The following GLRA2 variants were observed in gnomAD, a reference collection of about 807,000 sequenced individuals.
GLRA2 encodes glycine receptor alpha 2.
A neutral mutation model predicts 31.6 loss-of-function variants in GLRA2; 11 were observed. The observed-to-expected ratio is 0.35, with a 90% confidence interval of 0.22 to 0.58. GLRA2 has a LOEUF of 0.58. Among genes scored for constraint, GLRA2 ranks in the 20% least tolerant of loss-of-function variants. The pLI is 0.84. For missense variants in GLRA2, 212 were observed against 351.8 expected, an observed-to-expected ratio of 0.60 and a Z score of 3.18; for synonymous variants, 132 against 134.0, an observed-to-expected ratio of 0.99 and a Z score of 0.10.
chrX:14,551,231 A>G (rs1427077924), intron 2 of GLRA2, among the ~76,000 whole-genome samples: 1 of 111,645 alleles, frequency 9.0e-6, no homozygotes, highest in East Asian at 2.8e-4. Context: ...AAAACCTTAA[A>G]GATTTGTGTT....
chrX:14,619,100 G>A (rs1458443654), intron 7 of GLRA2, among the ~76,000 whole-genome samples: 1 of 111,070 alleles, frequency 9.0e-6, no homozygotes, highest in Non-Finnish European at 1.9e-5. Flanking sequence ...GGAATAACTA[G>A]CAGGATTATG....
chrX:14,719,611 T>A (rs1447876279), intron 8 of GLRA2, among the ~76,000 whole-genome samples: 1 of 111,791 alleles, frequency 8.9e-6, no homozygotes, highest in Non-Finnish European at 1.9e-5. Flanking sequence ...GGTGGGAATG[T>A]ACATTAATAC....
chrX:14,567,191 A>G (rs1031613834), intron 2 of GLRA2, among the ~76,000 whole-genome samples: 10 of 111,717 alleles, frequency 9.0e-5, no homozygotes, highest in African/African-American at 3.3e-4. Context: ...GTATTTAAAA[A>G]TCCTTGACAA....
At chrX:14,579,313 CAAGAAT>C (rs2089990429) in intron 3 of GLRA2, among the ~76,000 whole-genome samples, 1 of 108,502 alleles carries the variant, frequency 9.2e-6, no homozygotes, top group Admixed American at 9.9e-5. Context: ...AAGGAAGAAT[CAAGAAT>C]CTATTACAAG....
intron 8 of GLRA2, among the ~76,000 whole-genome samples, chrX:14,707,757 G>GGT (rs374444365): frequency 0.45 from 48,033 of 105,981 alleles, 8,825 homozygotes; most frequent in Non-Finnish European, 0.56. Context: ...CAGCAAAAAA[G>GGT]GTGTGTGTGT....
At position 14,730,787 on chromosome X, in the gene GLRA2, C is replaced by A. The variant is rs1488835919; in HGVS notation, c.*302C>A. The A allele has an allele frequency of 2.5e-5, 6 of 238,581 alleles. No homozygotes were observed. The highest frequency in any genetic ancestry group is 4.5e-5 in the Non-Finnish European group (6 of 133,033). 19.7% of individuals were successfully genotyped at this position (238,581 alleles called of 1,213,427 possible). ...CAACATTCAGACATGATATGCGCAT[C>A]ATTCAGACATGATATGCGGGGTCAA... On this transcript the variant is annotated 3_prime_UTR_variant, in exon 9 of 9. Coordinates refer to ENST00000218075, the MANE Select transcript of GLRA2 (RefSeq NM_002063.4).
At chrX:14,450,226 G>A in the GLRA2 span, among the ~76,000 whole-genome samples, 1 of 112,103 alleles carries the variant, frequency 8.9e-6, no homozygotes, top group Non-Finnish European at 1.9e-5. Flanking sequence ...TCCACCCTTG[G>A]CCCAGTGCAT....
the GLRA2 span, among the ~76,000 whole-genome samples, chrX:14,505,793 G>A: frequency 9.0e-6 from 1 of 111,526 alleles, no homozygotes; most frequent in East Asian, 2.8e-4. Context: ...TTGCTGGGTT[G>A]AAGCCAGGCT....
chrX:14,549,206 T>A (rs947166190), intron 2 of GLRA2, among the ~76,000 whole-genome samples: 14 of 111,931 alleles, frequency 1.3e-4, no homozygotes, highest in Non-Finnish European at 1.9e-5. Flanking sequence ...GAACTGTCCA[T>A]GTCTGGAAAG....
intron 7 of GLRA2, among the ~76,000 whole-genome samples, chrX:14,618,803 G>T: frequency 9.0e-6 from 1 of 111,636 alleles, no homozygotes; most frequent in Non-Finnish European, 1.9e-5. Flanking sequence ...GTTCCTTGCT[G>T]CTGGCTGTTA....
intron 7 of GLRA2, among the ~76,000 whole-genome samples, chrX:14,681,112 T>G: frequency 8.9e-6 from 1 of 112,405 alleles, no homozygotes; most frequent in Middle Eastern, 4.6e-3. Context: ...CGTGCGGGTT[T>G]GTTACATATG....
intron 7 of GLRA2, among the ~76,000 whole-genome samples, chrX:14,656,686 C>A (rs2090944479): frequency 8.9e-6 from 1 of 112,292 alleles, no homozygotes; most frequent in Non-Finnish European, 1.9e-5. Flanking sequence ...AACATCTGTT[C>A]TTTAACAGCT....
chrX:14,695,137 T>C (rs1335814909), intron 8 of GLRA2, among the ~76,000 whole-genome samples: 2 of 105,864 alleles, frequency 1.9e-5, no homozygotes. Context: ...CTAAGTGAGA[T>C]TACACATTGA....
intron 8 of GLRA2, among the ~76,000 whole-genome samples, chrX:14,696,041 T>A (rs1424648809): frequency 9.1e-6 from 1 of 110,164 alleles, no homozygotes; most frequent in Non-Finnish European, 1.9e-5. Context: ...GTACTTCGGT[T>A]TAACTACAAT....
At chrX:14,533,419 AT>A (rs1238951263) in intron 2 of GLRA2, among the ~76,000 whole-genome samples, 3 of 109,949 alleles carry the variant, frequency 2.7e-5, no homozygotes, top group Non-Finnish European at 5.7e-5. Context: ...ATACCCAGGT[AT>A]GGGCATATTT....
chrX:14,485,120 G>T, the GLRA2 span, among the ~76,000 whole-genome samples: 2 of 112,007 alleles, frequency 1.8e-5, no homozygotes, highest in African/African-American at 6.5e-5. Flanking sequence ...AAGAATCAAA[G>T]TTGTAAGCAT....
At chrX:14,681,214 G>C (rs1355058654) in intron 7 of GLRA2, among the ~76,000 whole-genome samples, 1 of 112,103 alleles carries the variant, frequency 8.9e-6, no homozygotes, top group Non-Finnish European at 1.9e-5. Flanking sequence ...CGAGCTAAGA[G>C]AATAAAAACT....
the GLRA2 span, among the ~76,000 whole-genome samples, chrX:14,456,867 T>C: frequency 2.7e-5 from 3 of 112,324 alleles, no homozygotes; most frequent in South Asian, 3.7e-4. Flanking sequence ...CATCTGGATA[T>C]GTACCCAGTA....
chrX:14,651,437 T>C (rs2090889095), intron 7 of GLRA2, among the ~76,000 whole-genome samples: 1 of 111,484 alleles, frequency 9.0e-6, no homozygotes, highest in South Asian at 3.7e-4. Flanking sequence ...ATGAGCTTTT[T>C]GGTCAACGAT....
Sources: allele counts gnomAD v4.1 joint callset (sites outside exome capture counted in the v4.1 genomes callset), GRCh38; gene constraint gnomAD v4.1.1; transcripts MANE v1.5; gene names NCBI Gene and HGNC (gene_info 2026-07-23, HGNC 2026-07-21).